The following FMO1 variants were observed in gnomAD, a reference collection of about 807,000 sequenced individuals.
The protein encoded by FMO1 is flavin-containing monooxygenase 1.
A neutral mutation model predicts 45.4 loss-of-function variants in FMO1; 36 were observed. The observed-to-expected ratio is 0.79, with a 90% CI of 0.61 to 1.05. FMO1 has a LOEUF of 1.05. Ranked by LOEUF, FMO1 falls within the 50% of genes least tolerant of loss-of-function variation. The probability of loss-of-function intolerance (pLI) is 0.00; values close to 1 mark genes in which losing one functional copy is unlikely to be tolerated. For missense variants in FMO1, 615 were observed against 640.3 expected (o/e 0.96, Z 0.43); for synonymous variants, 228 against 227.2 (o/e 1.00, Z -0.03).
chr1:171,271,874 C>A (rs549132866), intron 3 of FMO1, among the ~76,000 whole-genome samples: 1 of 152,192 alleles, frequency 6.6e-6, no homozygotes, highest in Non-Finnish European at 1.5e-5. Context: ...CCTGACAATG[C>A]AATAGAAAAG....
chr1:171,263,367 C>T (rs1660457425), intron 2 of FMO1, among the ~76,000 whole-genome samples: 1 of 152,146 alleles, frequency 6.6e-6, no homozygotes, highest in Non-Finnish European at 1.5e-5. Context: ...GATCAGCCAG[C>T]TAAAAATGTA....
chr1:171,270,735 C>A, intron 3 of FMO1: 2 of 1,134,844 alleles, frequency 1.8e-6, no homozygotes, highest in Non-Finnish European at 2.2e-6. Context: ...CCGCATACTG[C>A]ACCAGGCAAG....
chr1:171,255,808 G>A (rs1033668431), intron 1 of FMO1, among the ~76,000 whole-genome samples: 5 of 152,148 alleles, frequency 3.3e-5, no homozygotes, highest in African/African-American at 2.4e-5. Flanking sequence ...TCCTGCTGTG[G>A]GCACTAATGT....
At position 171,278,865 on chromosome 1, in the gene FMO1, G is replaced by T; in HGVS notation, c.621G>T (p.Ala207=). The change falls in exon 5 of 9, where the codon GCG becomes GCT. Residue 207 remains alanine (A), a synonymous_variant. Coordinates refer to ENST00000617670, the MANE Select transcript of FMO1 (RefSeq NM_001282693.2). Reference sequence around the variant, plus strand: ...TTGCTGTGGAGGCCAGCCACCTGGCGGAAAAGGTACATTCCTGATGTTACT... The same window carrying T: ...TTGCTGTGGAGGCCAGCCACCTGGCTGAAAAGGTACATTCCTGATGTTACT... ...TDIAVEASHL[A]EKVFLSTTGG... is the part of the protein sequence containing the mutation. 6.2e-7 allele frequency: 1 copy of T among 1,610,100 alleles called. No homozygotes were observed. The highest frequency in any genetic ancestry group is 8.5e-7 in the Non-Finnish European group (1 of 1,177,650).
intron 2 of FMO1, among the ~76,000 whole-genome samples, chr1:171,266,020 G>A (rs981054483): frequency 1.8e-4 from 28 of 152,200 alleles, no homozygotes; most frequent in Middle Eastern, 3.4e-3. Flanking sequence ...TCTTTTATCC[G>A]TAGCCAGTTC....
chr1:171,249,309 A>G (rs910797744), intron 1 of FMO1, among the ~76,000 whole-genome samples: 5 of 152,172 alleles, frequency 3.3e-5, no homozygotes, highest in African/African-American at 1.2e-4. Flanking sequence ...CTGCAGATGG[A>G]GAAACTGAGT....
Position 171,275,486 on chromosome 1 carries a change from T to C in FMO1, c.462T>C (p.Tyr154=). Residue 154 remains tyrosine (Y), a synonymous_variant, in exon 4 of 9, where the codon TAT becomes TAC. Transcript: ENST00000617670. ...MVCTGFLTNP[Y]LPLDSFPGIN... is the part of the protein sequence containing the mutation. The stretch of plus-strand genomic sequence containing the variant: ...GCACTGGCTTTCTTACTAATCCTTA[T>C]TTGCCACTGGATTCCTTTCCAGGTA... 6.2e-6 allele frequency: 10 copies of C among 1,612,348 alleles called. No individual in the cohort carries two copies. Among genetic ancestry groups the C allele is most frequent in the Non-Finnish European group, 7.6e-6 (9 of 1,179,246 alleles).
At chr1:171,270,891 G>C (rs1660828827) in intron 3 of FMO1, 1 of 705,346 alleles carries the variant, frequency 1.4e-6, no homozygotes, top group African/African-American at 1.8e-5. Context: ...TAAAAGGAGT[G>C]ACTTGTGAAC....
At chr1:171,275,916 A>G (rs983863645) in intron 4 of FMO1, among the ~76,000 whole-genome samples, 3 of 152,126 alleles carry the variant, frequency 2.0e-5, no homozygotes, top group African/African-American at 7.2e-5. Context: ...AGAAAAAAGT[A>G]ATTTTTTCTA....
intron 4 of FMO1, among the ~76,000 whole-genome samples, chr1:171,276,520 C>G (rs1314569131): frequency 1.3e-5 from 2 of 152,180 alleles, no homozygotes; most frequent in Non-Finnish European, 2.9e-5. Context: ...CTCTGAGCAG[C>G]CATCCACTCC....
intron 3 of FMO1, among the ~76,000 whole-genome samples, chr1:171,270,204 T>C (rs1197083314): frequency 1.3e-5 from 2 of 152,226 alleles, no homozygotes; most frequent in Non-Finnish European, 2.9e-5. Flanking sequence ...TGTTGGATTC[T>C]AGTAATCCCA....
At chr1:171,252,730 T>C (rs1447127343) in intron 1 of FMO1, among the ~76,000 whole-genome samples, 1 of 152,192 alleles carries the variant, frequency 6.6e-6, no homozygotes, top group African/African-American at 2.4e-5. Context: ...TCACCACACA[T>C]CTGGTGCAGC....
intron 2 of FMO1, among the ~76,000 whole-genome samples, chr1:171,258,486 T>G (rs28384857): frequency 0.015 from 2,292 of 152,184 alleles, 30 homozygotes; most frequent in Non-Finnish European, 0.023. Context: ...TGGAAGAGAA[T>G]GGAGTAACTG....
intron 4 of FMO1, 85 bp downstream of exon 4, chr1:171,275,593 C>T: frequency 1.0e-6 from 1 of 973,762 alleles, no homozygotes; most frequent in Non-Finnish European, 1.5e-6. Context: ...ATTCCTATGG[C>T]TGTTCCATTA....
At chr1:171,278,982 A>G in intron 5 of FMO1, 111 bp downstream of exon 5, 1 of 815,404 alleles carries the variant, frequency 1.2e-6, no homozygotes, top group Non-Finnish European at 1.7e-6. Flanking sequence ...CTCACATGCA[A>G]ACAACAGATT....
intron 2 of FMO1, among the ~76,000 whole-genome samples, chr1:171,261,597 A>G (rs1190935034): frequency 2.0e-5 from 3 of 152,112 alleles, no homozygotes; most frequent in African/African-American, 7.2e-5. Flanking sequence ...AAATTACTGC[A>G]TTTTGGCCAG....
At chr1:171,257,977 G>A in intron 1 of FMO1, 105 bp from the exon 2 acceptor site, 1 of 1,319,264 alleles carries the variant, frequency 7.6e-7, no homozygotes, top group Non-Finnish European at 1.1e-6. Context: ...GATTCAAACT[G>A]AGCAAATCGC....
chr1:171,279,436 TG>T (rs1298935969), intron 5 of FMO1, among the ~76,000 whole-genome samples: 9 of 152,164 alleles, frequency 5.9e-5, no homozygotes, highest in African/African-American at 2.2e-4. Flanking sequence ...TGACTGCACA[TG>T]AGGAAACCAA....
chr1:171,249,489 T>C (rs1261323529), intron 1 of FMO1, among the ~76,000 whole-genome samples: 4 of 152,174 alleles, frequency 2.6e-5, no homozygotes, highest in Non-Finnish European at 5.9e-5. Context: ...ATGGCCCTCC[T>C]TGGACCCAAG....
Sources: allele counts gnomAD v4.1 joint callset (sites outside exome capture counted in the v4.1 genomes callset), GRCh38; gene constraint gnomAD v4.1.1; transcripts MANE v1.5; gene names NCBI Gene and HGNC (gene_info 2026-07-23, HGNC 2026-07-21).